Variants in DGKB observed in about 807,000 individuals in gnomAD.
The protein encoded by DGKB is 90 kDa diacylglycerol kinase.
In DGKB, 67 loss-of-function variants were observed where a neutral mutation model predicts 114.3. That is an observed-to-expected ratio of 0.59 (90% confidence interval 0.48 to 0.72). The LOEUF (loss-of-function observed/expected upper bound fraction) is 0.72. Among genes scored for constraint, DGKB ranks in the 30% least tolerant of loss-of-function variants. DGKB has a pLI of 0.00. For synonymous variants in DGKB, 398 were observed against 323.1 expected, an observed-to-expected ratio of 1.23 and a Z score of -2.49; for missense variants, 907 against 975.2, an observed-to-expected ratio of 0.93 and a Z score of 0.93.
intron 21 of DGKB, among the ~76,000 whole-genome samples, chr7:14,413,948 G>C (rs1166642531): frequency 6.6e-6 from 1 of 152,110 alleles, no homozygotes; most frequent in East Asian, 1.9e-4. Flanking sequence ...TAAGAGTAGA[G>C]ATTTGCTCTT....
Position 14,694,282 on chromosome 7 carries a change from T to G in DGKB, c.592-88A>C, listed in dbSNP as rs915239806. On this transcript the variant is annotated intron_variant, in intron 8 of 25. Transcript: ENST00000402815. ...AACATATGAAATTGTGACTAACAGCTAAGTGGAGAGTTGGGATAACTGTCT... is the reference window on the plus strand; with the variant it reads ...AACATATGAAATTGTGACTAACAGCGAAGTGGAGAGTTGGGATAACTGTCT... 6.8e-6 allele frequency: 8 copies of G among 1,182,108 alleles called. No individual in the cohort carries two copies. In the African/African-American group the frequency reaches 1.2e-4, roughly 18 times the overall value. The allele number at this position is 1,182,108 out of a possible 1,614,324, so 73.2% of individuals were successfully genotyped here. A position where few individuals can be genotyped will look rare whatever the true frequency, so the allele number is the denominator to read the frequency against.
chr7:14,451,545 GTCTCTCTCTC>G (rs34641587), intron 21 of DGKB, among the ~76,000 whole-genome samples: 14 of 141,166 alleles, frequency 9.9e-5, no homozygotes, highest in Admixed American at 2.9e-4. Flanking sequence ...CTCTCTATCT[GTCTCTCTCTC>G]TCTCTCTCTC....
chr7:14,612,535 G>T (rs1023112113), intron 16 of DGKB, among the ~76,000 whole-genome samples: 1 of 151,998 alleles, frequency 6.6e-6, no homozygotes, highest in South Asian at 2.1e-4. Flanking sequence ...AAAGTTAAAT[G>T]GTAGAAAAAA....
intron 23 of DGKB, among the ~76,000 whole-genome samples, chr7:14,241,190 T>C (rs1260653846): frequency 6.6e-6 from 1 of 152,166 alleles, no homozygotes; most frequent in Non-Finnish European, 1.5e-5. Flanking sequence ...TTGTTATTGT[T>C]ATGAATTATA....
chr7:14,630,227 C>T lies in DGKB; in HGVS notation c.1167+9G>A, dbSNP rs1231169754. 6.5e-7 allele frequency: 1 copy of T among 1,543,984 alleles called. No individual in the cohort carries two copies. Among genetic ancestry groups the T allele is most frequent in the Non-Finnish European group, 8.7e-7 (1 of 1,144,004 alleles). On this transcript the variant is annotated intron_variant, in intron 14 of 25. Coordinates refer to ENST00000402815, the MANE Select transcript of DGKB (RefSeq NM_001350709.2). The stretch of plus-strand genomic sequence containing the variant: ...TTTTAAGTGTGAAAACCTGTTTTTG[C>T]TTACGCACCTCAGGAACTGAAACTC...
intron 20 of DGKB, among the ~76,000 whole-genome samples, chr7:14,490,370 T>C (rs1248635883): frequency 6.6e-6 from 1 of 152,178 alleles, no homozygotes; most frequent in Non-Finnish European, 1.5e-5. Context: ...ATCTTAATAA[T>C]TTGGTTAATT....
Position 14,154,503 on chromosome 7 carries a change from T to C in DGKB, c.2305-5265A>G, listed in dbSNP as rs377248805. On this transcript the variant is annotated intron_variant, in intron 25 of 25. Transcript: ENST00000402815. ...TTTCATATAGTGTCTCACTGGTTTC[T>C]TGTAAGGACTAAATGAATCAATGTG... 2.8e-3 allele frequency among the ~76,000 whole-genome samples: 419 copies of C among 152,098 alleles called. 21 individuals carry two copies. The South Asian group carries it at 0.082, about 30-fold the overall frequency.
intron 12 of DGKB, among the ~76,000 whole-genome samples, chr7:14,682,346 T>A (rs367613674): frequency 1.3e-5 from 2 of 152,104 alleles, no homozygotes; most frequent in Non-Finnish European, 2.9e-5. Flanking sequence ...TCTTAGATTG[T>A]CACCAGCTCT....
chr7:14,284,857 GT>G (rs1800592269), intron 23 of DGKB, among the ~76,000 whole-genome samples: 1 of 118,804 alleles, frequency 8.4e-6, no homozygotes, highest in African/African-American at 3.3e-5. Flanking sequence ...TCTGGGGACT[GT>G]TTTGGGGTGG....
chr7:14,652,133 G>T (rs1462342411), intron 13 of DGKB, among the ~76,000 whole-genome samples: 1 of 132,722 alleles, frequency 7.5e-6, no homozygotes, highest in African/African-American at 2.8e-5. Flanking sequence ...TTTCTTCACA[G>T]AATTGGAAAA....
chr7:14,775,736 G>A (rs1838071281), intron 2 of DGKB, among the ~76,000 whole-genome samples: 1 of 152,012 alleles, frequency 6.6e-6, no homozygotes, highest in Admixed American at 6.5e-5. Flanking sequence ...GGCCTCCCCA[G>A]CCCTGCTGAA....
intron 1 of DGKB, among the ~76,000 whole-genome samples, chr7:14,928,138 A>T (rs912026593): frequency 1.3e-5 from 2 of 151,988 alleles, no homozygotes; most frequent in Admixed American, 6.6e-5. Context: ...TTTAAGATAA[A>T]TATGCTAAAA....
intron 1 of DGKB, among the ~76,000 whole-genome samples, chr7:14,847,290 C>CAAAAA (rs369385721): frequency 1.1e-5 from 1 of 92,924 alleles, no homozygotes; most frequent in Non-Finnish European, 2.1e-5. Flanking sequence ...GACTCCGTCT[C>CAAAAA]AAAAAAAAAA....
intron 23 of DGKB, among the ~76,000 whole-genome samples, chr7:14,235,202 G>T (rs749179691): frequency 5.9e-5 from 9 of 152,002 alleles, no homozygotes; most frequent in Non-Finnish European, 1.3e-4. Flanking sequence ...GAGTACCACA[G>T]GTCACATCTG....
At chr7:14,558,199 AGAG>A (rs138411595) in intron 20 of DGKB, among the ~76,000 whole-genome samples, 7,855 of 151,054 alleles carry the variant, frequency 0.052, 311 homozygotes, top group African/African-American at 0.12. Context: ...CCTTCTGTAT[AGAG>A]GATGACTATA....
chr7:14,660,229 A>G (rs1447831394), intron 13 of DGKB, among the ~76,000 whole-genome samples: 1 of 151,982 alleles, frequency 6.6e-6, no homozygotes, highest in Non-Finnish European at 1.5e-5. Flanking sequence ...CTTTGGTATC[A>G]GGATGATGCT....
At chr7:14,324,117 T>G (rs1206850184) in intron 23 of DGKB, among the ~76,000 whole-genome samples, 1 of 152,156 alleles carries the variant, frequency 6.6e-6, no homozygotes, top group Non-Finnish European at 1.5e-5. Context: ...TTACTGATCA[T>G]TTATGGGAAA....
At chr7:14,277,576 A>G (rs1233525349) in intron 23 of DGKB, among the ~76,000 whole-genome samples, 1 of 152,118 alleles carries the variant, frequency 6.6e-6, no homozygotes, top group African/African-American at 2.4e-5. Flanking sequence ...AGCTTCATTC[A>G]TGTTGTTACT....
chr7:14,529,791 A>G (rs1791262142), intron 20 of DGKB, among the ~76,000 whole-genome samples: 1 of 151,758 alleles, frequency 6.6e-6, no homozygotes, highest in Non-Finnish European at 1.5e-5. Flanking sequence ...GTATTGTTGC[A>G]TGGCTTATTT....
Sources: gnomAD v4.1 joint callset for allele counts (sites outside exome capture counted in the v4.1 genomes callset) on GRCh38, gnomAD v4.1.1 for gene constraint, MANE v1.5 for transcripts, NCBI Gene and HGNC (gene_info 2026-07-23, HGNC 2026-07-21) for gene names.